RGS7: variants seen among roughly 807,000 people sequenced by gnomAD.
RGS7 encodes regulator of G protein signaling 7, also known as regulator of G-protein signaling 7.
Under a neutral mutation model 81.1 loss-of-function variants are expected in RGS7, and 27 were observed. The observed-to-expected ratio is 0.33, with a 90% CI of 0.25 to 0.46. RGS7 has a LOEUF of 0.46. RGS7 is among the 20% of genes least tolerant of loss of function. The pLI is 1.00. For synonymous variants in RGS7, 208 were observed against 207.7 expected, an observed-to-expected ratio of 1.00 and a Z score of -0.01; for missense variants, 396 against 607.4, an observed-to-expected ratio of 0.65 and a Z score of 3.66.
chr1:241,299,833 A>T (rs63533861), intron 2 of RGS7, among the ~76,000 whole-genome samples: 1 of 124,134 alleles, frequency 8.1e-6, no homozygotes, highest in Non-Finnish European at 1.7e-5. Flanking sequence ...AAAAAAAAAA[A>T]GGCTGGGCAC....
chr1:241,291,203 C>G (rs970829364), intron 2 of RGS7, among the ~76,000 whole-genome samples: 1 of 152,132 alleles, frequency 6.6e-6, no homozygotes, highest in Non-Finnish European at 1.5e-5. Flanking sequence ...GGAGGAAGAC[C>G]ATGTGCCAAG....
chr1:240,928,856 C>T (rs1674928584), intron 6 of RGS7, among the ~76,000 whole-genome samples: 1 of 152,032 alleles, frequency 6.6e-6, no homozygotes, highest in African/African-American at 2.4e-5. Flanking sequence ...GGTGATCTGC[C>T]CGCCTCAGCC....
At position 240,784,631 on chromosome 1, in the gene RGS7, A is replaced by G. The variant is rs541888093; in HGVS notation, c.*7-8418T>C. Among the ~76,000 whole-genome samples the G allele has an allele frequency of 7.5e-3, 1,134 of 151,574 alleles. 8 individuals carry two copies. The highest frequency in any genetic ancestry group is 0.025 in the African/African-American group (1,024 of 41,222). Reference sequence around the variant, plus strand: ...ACTGCGCTCCAGCCTGGGCAACAGAATAAGACTCCGCCTCAAAAAAAAAAA... The same window carrying G: ...ACTGCGCTCCAGCCTGGGCAACAGAGTAAGACTCCGCCTCAAAAAAAAAAA... On this transcript the variant is annotated intron_variant, in intron 18 of 18. Coordinates refer to ENST00000440928, the MANE Select transcript of RGS7 (RefSeq NM_001364886.1).
chr1:241,195,379 G>A (rs1420205747), intron 2 of RGS7, among the ~76,000 whole-genome samples: 1 of 152,060 alleles, frequency 6.6e-6, no homozygotes, highest in Non-Finnish European at 1.5e-5. Flanking sequence ...AGGAAGCTGA[G>A]GCAGAAGAAT....
chr1:240,830,187 T>G lies in RGS7; in HGVS notation c.610-3015A>C, dbSNP rs1572301106. ...CTTAAGAAAATGCTTCCCAAGCCTC[T>G]TATGTGGCAGTCAAGCCATCCGGAG... On this transcript the variant is annotated intron_variant, in intron 9 of 18. Coordinates refer to ENST00000440928, the MANE Select transcript of RGS7 (RefSeq NM_001364886.1). Among the ~76,000 whole-genome samples the G allele has an allele frequency of 5.9e-5, 9 of 152,338 alleles. No homozygotes were observed. In the South Asian group the frequency reaches 1.9e-3, roughly 32 times the overall value.
intron 6 of RGS7, among the ~76,000 whole-genome samples, chr1:240,927,577 T>C (rs1275338372): frequency 2.6e-5 from 4 of 152,204 alleles, no homozygotes; most frequent in Non-Finnish European, 5.9e-5. Context: ...TAATTCATAT[T>C]GCTGCTATAA....
rs551862851 is a variant in RGS7, at chr1:240,989,415, A to C, written c.176-6286T>G. Among the ~76,000 whole-genome samples, 9 of 151,946 alleles carry C rather than the reference A, an allele frequency of 5.9e-5. No homozygotes were observed. The South Asian group carries it at 1.7e-3, about 28-fold the overall frequency. Reference sequence around the variant, plus strand: ...GGCGCCACTGCACTCCAGCCTGGCGACAGAGTGAGACACTGTCTCAAAAAA... The same window carrying C: ...GGCGCCACTGCACTCCAGCCTGGCGCCAGAGTGAGACACTGTCTCAAAAAA... On this transcript the variant is annotated intron_variant, in intron 3 of 18. Transcript: ENST00000440928.
intron 2 of RGS7, among the ~76,000 whole-genome samples, chr1:241,298,539 C>G (rs1408965141): frequency 6.6e-6 from 1 of 152,152 alleles, no homozygotes; most frequent in Non-Finnish European, 1.5e-5. Flanking sequence ...CACTACATTC[C>G]CTGACGACAC....
intron 3 of RGS7, among the ~76,000 whole-genome samples, chr1:241,089,614 T>C (rs1279396323): frequency 6.6e-6 from 1 of 152,134 alleles, no homozygotes; most frequent in African/African-American, 2.4e-5. Flanking sequence ...CATTTTTGTA[T>C]AACAAATATA....
intron 9 of RGS7, among the ~76,000 whole-genome samples, chr1:240,843,060 G>T (rs1410715230): frequency 1.3e-5 from 2 of 151,998 alleles, no homozygotes; most frequent in Non-Finnish European, 2.9e-5. Flanking sequence ...AGCTACTTGG[G>T]AGGCTGAGGC....
chr1:241,202,011 G>GAAGAACACAC (rs138116326), intron 2 of RGS7, among the ~76,000 whole-genome samples: 4,658 of 145,042 alleles, frequency 0.032, 254 homozygotes, highest in African/African-American at 0.11. Flanking sequence ...GACACACACA[G>GAAGAACACAC]ACACACACAC....
chr1:241,286,987 C>T (rs1169099443), intron 2 of RGS7, among the ~76,000 whole-genome samples: 1 of 152,154 alleles, frequency 6.6e-6, no homozygotes, highest in Admixed American at 6.6e-5. Flanking sequence ...AATAATCGGT[C>T]CTTAAATCTC....
At chr1:241,295,266 A>G (rs551448490) in intron 2 of RGS7, among the ~76,000 whole-genome samples, 45 of 150,724 alleles carry the variant, frequency 3.0e-4, no homozygotes, top group South Asian at 4.3e-4. Flanking sequence ...GACGAACATG[A>G]TGAAACCCCG....
At chr1:241,331,456 T>C (rs7552156) in intron 2 of RGS7, among the ~76,000 whole-genome samples, 33,348 of 152,114 alleles carry the variant, frequency 0.22, 3,800 homozygotes, top group East Asian at 0.29. Context: ...TAATATATAG[T>C]ATATGTAAAG....
intron 3 of RGS7, chr1:240,998,589 AC>A: frequency 1.2e-6 from 1 of 828,174 alleles, no homozygotes. Flanking sequence ...CAGCTGCTGG[AC>A]CAGGTCCACC....
chr1:240,990,362 T>C (rs1433717103), intron 3 of RGS7, among the ~76,000 whole-genome samples: 5 of 152,192 alleles, frequency 3.3e-5, no homozygotes, highest in African/African-American at 7.2e-5. Context: ...GAAACGAATA[T>C]GTTATTCTGC....
chr1:241,264,048 C>T (rs1002816730), intron 2 of RGS7, among the ~76,000 whole-genome samples: 1 of 152,102 alleles, frequency 6.6e-6, no homozygotes, highest in Non-Finnish European at 1.5e-5. Flanking sequence ...TAATAGTAAC[C>T]ACCGTGCACC....
intron 3 of RGS7, among the ~76,000 whole-genome samples, chr1:241,004,395 C>T (rs954243588): frequency 6.6e-6 from 1 of 152,024 alleles, no homozygotes; most frequent in African/African-American, 2.4e-5. Context: ...ATGGAGGGGT[C>T]ACTCTTAAGA....
Position 241,155,905 on chromosome 1 carries a change from G to A in RGS7, c.79-57143C>T, listed in dbSNP as rs146025561. On this transcript the variant is annotated intron_variant, in intron 2 of 18. Transcript: ENST00000440928. ...CCTTCTTTTGGGTTGTCTCTTCTCC[G>A]TAAGCCTCAAGTACTTCTTAGTCCT... 3.2e-3 allele frequency among the ~76,000 whole-genome samples: 481 copies of A among 152,174 alleles called. 5 individuals are homozygous for A. Among genetic ancestry groups the A allele is most frequent in the African/African-American group, 0.011 (444 of 41,518 alleles).
Sources: gnomAD v4.1 joint callset for allele counts (sites outside exome capture counted in the v4.1 genomes callset) on GRCh38, gnomAD v4.1.1 for gene constraint, MANE v1.5 for transcripts, NCBI Gene and HGNC (gene_info 2026-07-23, HGNC 2026-07-21) for gene names.